The following PCDHGA1 variants were observed in gnomAD, a reference collection of about 807,000 sequenced individuals.
PCDHGA1 encodes the protein protocadherin gamma subfamily A, 1, also known as protocadherin gamma-A1.
In PCDHGA1, 32 loss-of-function variants were observed where a neutral mutation model predicts 58.0. The observed-to-expected ratio is 0.55, with a 90% CI of 0.42 to 0.74. The LOEUF is 0.74. Ranked by LOEUF, PCDHGA1 falls within the 30% of genes least tolerant of loss-of-function variation. PCDHGA1 has a pLI of 0.00. For missense variants in PCDHGA1, 1,205 were observed against 1,182.3 expected (o/e 1.02, Z -0.28); for synonymous variants, 498 against 501.1 (o/e 0.99, Z 0.08).
chr5:141,419,065 C>G (rs763008753), intron 1 of PCDHGA1: 2 of 1,613,786 alleles, frequency 1.2e-6, no homozygotes, highest in South Asian at 2.2e-5. Context: ...ATAATTACTA[C>G]AAGCTAGTAA....
intron 1 of PCDHGA1, chr5:141,419,588 A>C: frequency 6.2e-7 from 1 of 1,611,830 alleles, no homozygotes; most frequent in Non-Finnish European, 8.5e-7. Flanking sequence ...GCTCTTCGAC[A>C]CAGTGCCGCG....
chr5:141,332,895 T>C lies in PCDHGA1; in HGVS notation c.2211T>C (p.Gly737=), dbSNP rs557446745. 34 of 1,614,166 alleles carry C rather than the reference T, an allele frequency of 2.1e-5. No homozygotes were observed. The highest frequency in any genetic ancestry group is 3.3e-5 in the Admixed American group (2 of 60,036). ...GAGGCGGCTTAGCGAGCATGCCCGG[T>C]TCGCACTTTGTGGGCGTGGACGGGG... ...ASGGGLASMP[G]SHFVGVDGVR... The change falls in exon 1 of 4, where the codon GGT becomes GGC. Residue 737 remains glycine, a synonymous_variant. Transcript: ENST00000517417. The surrounding 1 kb of genome is among the most constrained non-coding windows in gnomAD (Gnocchi z 4.6).
chr5:141,388,992 C>T (rs1310959225), intron 1 of PCDHGA1: 3 of 1,613,834 alleles, frequency 1.9e-6, no homozygotes, highest in African/African-American at 1.3e-5. Flanking sequence ...GCTCAAAGTC[C>T]GTGACAAGGA....
chr5:141,490,205 C>A lies in PCDHGA1; in HGVS notation c.2422-4602C>A. 1 of 1,614,168 alleles carries A rather than the reference C, an allele frequency of 6.2e-7. No individual in the cohort carries two copies. The highest frequency in any genetic ancestry group is 8.5e-7 in the Non-Finnish European group (1 of 1,180,004). ...CGTTTCTATGAAATTCATGCAAGAG[C>A]CCGTGACCAGGGACAGCCTGCCATG... On this transcript the variant is annotated intron_variant, in intron 1 of 3. Transcript: ENST00000517417. This position sits in a 1 kb window ranked among gnomAD's most constrained non-coding sequence, Gnocchi z 5.4.
chr5:141,462,202 C>T (rs188546035), intron 1 of PCDHGA1, among the ~76,000 whole-genome samples: 1,522 of 152,002 alleles, frequency 0.01, 33 homozygotes, highest in African/African-American at 0.034. Flanking sequence ...TCAGGTGATC[C>T]GCCTGCCTCG....
At position 141,485,062 on chromosome 5, in the gene PCDHGA1, C is replaced by A; in HGVS notation, c.2422-9745C>A. 1 of 876,340 alleles carries A rather than the reference C, an allele frequency of 1.1e-6. No individual in the cohort carries two copies. Among genetic ancestry groups the A allele is most frequent in the African/African-American group, 1.7e-5 (1 of 59,510 alleles). The allele number at this position is 876,340 out of a possible 1,614,324, so 54.3% of individuals were successfully genotyped here. On this transcript the variant is annotated intron_variant, in intron 1 of 3. Coordinates refer to ENST00000517417, the MANE Select transcript of PCDHGA1 (RefSeq NM_018912.3). This position sits in a 1 kb window ranked among gnomAD's most constrained non-coding sequence, Gnocchi z 5.7. ...CCTTGCGGCGCCGGCCGAACCGCGC[C>A]AGAGCTGGCGCGGGGAAAGGGAGAT...
intron 1 of PCDHGA1, chr5:141,356,234 C>A: frequency 1.9e-6 from 3 of 1,587,274 alleles, no homozygotes; most frequent in South Asian, 1.1e-5. Context: ...GACAACGCAC[C>A]AGAAGTCACA....
At chr5:141,399,742 A>G in intron 1 of PCDHGA1, 14 of 1,613,320 alleles carry the variant, frequency 8.7e-6, no homozygotes, top group Non-Finnish European at 1.2e-5. Flanking sequence ...GCCTGCGCTC[A>G]GCGCAAACGT....
intron 2 of PCDHGA1, among the ~76,000 whole-genome samples, chr5:141,499,265 C>T (rs1220250999): frequency 6.6e-6 from 1 of 152,128 alleles, no homozygotes; most frequent in African/African-American, 2.4e-5. Context: ...CATTTGGTCC[C>T]TAGACTGTTC....
chr5:141,422,151 G>A (rs763343536), intron 1 of PCDHGA1: 1 of 1,575,938 alleles, frequency 6.3e-7, no homozygotes, highest in Admixed American at 2.0e-5. Flanking sequence ...GGGGGTCTCT[G>A]GATTTTGAAA....
chr5:141,389,144 T>C, intron 1 of PCDHGA1: 1 of 1,614,020 alleles, frequency 6.2e-7, no homozygotes, highest in Non-Finnish European at 8.5e-7. Flanking sequence ...ATATAACCGT[T>C]ACGGCAACAG....
At chr5:141,446,039 A>G (rs1349676116) in intron 1 of PCDHGA1, among the ~76,000 whole-genome samples, 1 of 152,180 alleles carries the variant, frequency 6.6e-6, no homozygotes, top group African/African-American at 2.4e-5. Context: ...TAAGAAATGG[A>G]AGAAGAGCTG....
chr5:141,390,446 G>A, intron 1 of PCDHGA1: 1 of 862,526 alleles, frequency 1.2e-6, no homozygotes, highest in Non-Finnish European at 1.7e-6. Context: ...CTACAAAGGA[G>A]GAGTAAAGTA....
intron 1 of PCDHGA1, chr5:141,398,588 T>C: frequency 1.9e-6 from 3 of 1,614,010 alleles, no homozygotes; most frequent in African/African-American, 1.3e-5. Flanking sequence ...AGATTTATAC[T>C]AGAAGTAGCA....
intron 1 of PCDHGA1, among the ~76,000 whole-genome samples, chr5:141,450,379 A>C (rs1269979263): frequency 6.6e-6 from 1 of 152,144 alleles, no homozygotes; most frequent in Non-Finnish European, 1.5e-5. Flanking sequence ...GTTTATATGA[A>C]ACTGACATTT....
intron 1 of PCDHGA1, chr5:141,399,651 G>A (rs1561671286): frequency 1.2e-6 from 2 of 1,613,738 alleles, no homozygotes; most frequent in Non-Finnish European, 1.7e-6. Flanking sequence ...CGCAAAGTGG[G>A]GTGGTGTTCG....
At chr5:141,403,748 G>A in intron 1 of PCDHGA1, 1 of 1,613,956 alleles carries the variant, frequency 6.2e-7, no homozygotes, top group East Asian at 2.2e-5. Context: ...TACTGCAACA[G>A]CCAGCGACCT....
chr5:141,409,624 G>C lies in PCDHGA1; in HGVS notation c.2421+76519G>C, dbSNP rs747166507. 11 of 1,613,728 alleles carry C rather than the reference G, an allele frequency of 6.8e-6. No homozygotes were observed. The South Asian group carries it at 8.8e-5, about 13-fold the overall frequency. On this transcript the variant is annotated intron_variant, in intron 1 of 3. Transcript: ENST00000517417. The stretch of plus-strand genomic sequence containing the variant: ...CGCCAGGAGCCTCCATTGCGCAAGT[G>C]AGCGCCTCTGACCCGGATTTGGGGC...
At chr5:141,421,603 G>T (rs1207844782) in intron 1 of PCDHGA1, 4 of 1,613,758 alleles carry the variant, frequency 2.5e-6, no homozygotes, top group Non-Finnish European at 3.4e-6. Context: ...GGAAATAATA[G>T]ATATTAATGA....
Sources: allele counts gnomAD v4.1 joint callset (sites outside exome capture counted in the v4.1 genomes callset), GRCh38; gene constraint gnomAD v4.1.1; non-coding constraint Gnocchi (gnomAD v3.1); transcripts MANE v1.5; gene names NCBI Gene and HGNC (gene_info 2026-07-23, HGNC 2026-07-21).